SND1: variants seen among roughly 807,000 people sequenced by gnomAD.
The protein encoded by SND1 is staphylococcal nuclease domain-containing protein 1.
In SND1, 38 loss-of-function variants were observed where a neutral mutation model predicts 121.7. That is an observed-to-expected ratio of 0.31 (90% CI 0.24 to 0.41). The LOEUF is 0.41. Among genes scored for constraint, SND1 ranks in the 10% least tolerant of loss-of-function variants. SND1 has a pLI of 1.00. For synonymous variants in SND1, 401 were observed against 447.4 expected, an observed-to-expected ratio of 0.90 and a Z score of 1.31; for missense variants, 868 against 1,184.6, an observed-to-expected ratio of 0.73 and a Z score of 3.92.
At position 127,832,044 on chromosome 7, in the gene SND1, C is replaced by A. The variant is rs2116625312; in HGVS notation, c.1243-12280C>A. On this transcript the variant is annotated intron_variant, in intron 11 of 23. Coordinates refer to ENST00000354725, the MANE Select transcript of SND1 (RefSeq NM_014390.4). ...TTTGCCTTTCTCTTTGGACATCTTT[C>A]CATAGCAGAATGTGTAGCTCCCACG... is the stretch of plus-strand genomic sequence containing the variant. Among the ~76,000 whole-genome samples, 3 of 152,306 alleles carry A rather than the reference C, an allele frequency of 2.0e-5. No homozygotes were observed. In the South Asian group the frequency reaches 6.2e-4, roughly 32 times the overall value.
chr7:127,973,098 T>G (rs1802037168), intron 15 of SND1, among the ~76,000 whole-genome samples: 1 of 152,106 alleles, frequency 6.6e-6, no homozygotes, highest in East Asian at 1.9e-4. Flanking sequence ...AGAGTGGGAA[T>G]GAAGAGGAAG....
chr7:127,911,611 T>G (rs2116779833), intron 14 of SND1, among the ~76,000 whole-genome samples: 1 of 152,264 alleles, frequency 6.6e-6, no homozygotes, highest in East Asian at 1.9e-4. Context: ...AACCTCTGCC[T>G]CCCAGGTTCA....
intron 11 of SND1, among the ~76,000 whole-genome samples, chr7:127,837,865 C>T (rs997507846): frequency 1.3e-5 from 2 of 152,092 alleles, no homozygotes; most frequent in Non-Finnish European, 1.5e-5. Flanking sequence ...AAGTAGCACT[C>T]GAACATAAAT....
rs186294910 is a variant in SND1 at position 127,728,564 on chromosome 7, C to T, written c.1152+7164C>T. On this transcript the variant is annotated intron_variant, in intron 10 of 23. Coordinates refer to ENST00000354725, the MANE Select transcript of SND1 (RefSeq NM_014390.4). ...CCTTTAGGCCAGAGACTTCCATACA[C>T]ACCATCTTTCCCTTCTCTGTAGCAT... Among the ~76,000 whole-genome samples, 9 of 152,324 alleles carry T rather than the reference C, an allele frequency of 5.9e-5. No individual in the cohort carries two copies. In the East Asian group the frequency reaches 1.7e-3, roughly 29 times the overall value.
intron 10 of SND1, among the ~76,000 whole-genome samples, chr7:127,778,707 A>G (rs1367455757): frequency 3.9e-5 from 6 of 152,206 alleles, no homozygotes; most frequent in Admixed American, 3.9e-4. Context: ...GTGAATATGA[A>G]ATGGGTCTCA....
At chr7:127,950,845 A>G (rs1229397274) in intron 15 of SND1, among the ~76,000 whole-genome samples, 1 of 152,214 alleles carries the variant, frequency 6.6e-6, no homozygotes, top group Non-Finnish European at 1.5e-5. Context: ...TCAAAAAACT[A>G]AAAGATAGCA....
chr7:128,060,462 T>A (rs1197001715), intron 16 of SND1, among the ~76,000 whole-genome samples: 1 of 152,156 alleles, frequency 6.6e-6, no homozygotes, highest in Non-Finnish European at 1.5e-5. Context: ...TCTGAGTCCT[T>A]TTTTATTTTT....
intron 15 of SND1, among the ~76,000 whole-genome samples, chr7:127,974,390 T>C (rs900129320): frequency 6.6e-6 from 1 of 152,174 alleles, no homozygotes; most frequent in Non-Finnish European, 1.5e-5. Flanking sequence ...TTCTTTGATC[T>C]TGTCTGCCCT....
chr7:127,868,952 G>C (rs937811056), intron 12 of SND1, among the ~76,000 whole-genome samples: 2 of 152,072 alleles, frequency 1.3e-5, no homozygotes, highest in Non-Finnish European at 2.9e-5. Flanking sequence ...ATAGATCAGT[G>C]CATATGATAG....
chr7:127,848,349 G>T (rs1364046416), intron 12 of SND1, among the ~76,000 whole-genome samples: 1 of 152,200 alleles, frequency 6.6e-6, no homozygotes, highest in East Asian at 1.9e-4. Context: ...AACTAGATTT[G>T]GGGACAAAAA....
chr7:127,791,447 CCAA>C (rs1797908337), intron 10 of SND1, among the ~76,000 whole-genome samples: 1 of 151,940 alleles, frequency 6.6e-6, no homozygotes, highest in African/African-American at 2.4e-5. Context: ...GCCACCATGC[CCAA>C]CGTTACTTTT....
intron 15 of SND1, among the ~76,000 whole-genome samples, chr7:127,977,790 A>G (rs1038133531): frequency 1.3e-5 from 2 of 152,206 alleles, no homozygotes; most frequent in Non-Finnish European, 2.9e-5. Flanking sequence ...AGGAATAACT[A>G]TAGAAGGGAA....
chr7:127,800,333 T>G (rs1276380210), intron 10 of SND1, among the ~76,000 whole-genome samples: 1 of 152,234 alleles, frequency 6.6e-6, no homozygotes, highest in East Asian at 1.9e-4. Flanking sequence ...GCACATTAAT[T>G]CATATATTAT....
At chr7:127,872,619 AACACACACGCACACACACAC>A (rs1799614263) in intron 12 of SND1, among the ~76,000 whole-genome samples, 2 of 116,154 alleles carry the variant, frequency 1.7e-5, no homozygotes, top group African/African-American at 7.1e-5. Flanking sequence ...GACCTTTTTT[AACACACACGCACACACACAC>A]ACACACACAC....
intron 16 of SND1, among the ~76,000 whole-genome samples, chr7:128,048,935 C>T (rs1020252768): frequency 3.9e-5 from 6 of 152,156 alleles, no homozygotes; most frequent in African/African-American, 1.2e-4. Context: ...GCTGTTCACA[C>T]GGGTGTTTGT....
intron 9 of SND1, among the ~76,000 whole-genome samples, chr7:127,715,439 A>C (rs891674758): frequency 1.3e-5 from 2 of 152,146 alleles, no homozygotes; most frequent in Non-Finnish European, 2.9e-5. Flanking sequence ...CGTAGTACCC[A>C]ATAGGAAGTT....
chr7:127,784,284 G>A (rs1353558716), intron 10 of SND1, among the ~76,000 whole-genome samples: 1 of 152,120 alleles, frequency 6.6e-6, no homozygotes, highest in African/African-American at 2.4e-5. Flanking sequence ...GCATTCTACA[G>A]GTTAACGTCT....
chr7:127,915,419 C>G (rs1800552811), intron 14 of SND1, among the ~76,000 whole-genome samples: 1 of 152,214 alleles, frequency 6.6e-6, no homozygotes, highest in Non-Finnish European at 1.5e-5. Flanking sequence ...GCTCCCTCTC[C>G]TGAGTTCTTT....
intron 14 of SND1, among the ~76,000 whole-genome samples, chr7:127,907,740 T>C (rs994413693): frequency 2.0e-5 from 3 of 152,210 alleles, no homozygotes; most frequent in South Asian, 2.1e-4. Context: ...TATATCATAA[T>C]GGTGGAGCAA....
Sources: gnomAD v4.1 joint callset for allele counts (sites outside exome capture counted in the v4.1 genomes callset) on GRCh38, gnomAD v4.1.1 for gene constraint, MANE v1.5 for transcripts, NCBI Gene and HGNC (gene_info 2026-07-23, HGNC 2026-07-21) for gene names.